Variants in ADAMTSL3 observed in about 807,000 individuals in gnomAD.
ADAMTSL3 encodes ADAMTS like 3.
ADAMTSL3 carries 128 observed loss-of-function variants against 201.7 expected under a neutral mutation model. The ratio of observed to expected loss-of-function variants is 0.63; its 90% CI spans 0.55 to 0.73. The LOEUF (loss-of-function observed/expected upper bound fraction) is 0.73, where lower values mean the gene tolerates loss of function less well. Among genes scored for constraint, ADAMTSL3 ranks in the 30% least tolerant of loss-of-function variants. The pLI, the probability that ADAMTSL3 is intolerant of heterozygous loss-of-function variation, is 0.00. For missense variants in ADAMTSL3, 1,990 were observed against 2,119.6 expected (o/e 0.94, Z 1.20); for synonymous variants, 738 against 748.4 (o/e 0.99, Z 0.23).
intron 2 of ADAMTSL3, among the ~76,000 whole-genome samples, chr15:83,688,943 G>A (rs1450748746): frequency 6.6e-6 from 1 of 151,954 alleles, no homozygotes; most frequent in Non-Finnish European, 1.5e-5. Context: ...CAGGTAGCTG[G>A]GACTACAGGT....
At chr15:83,739,584 A>G (rs1011050531) in intron 3 of ADAMTSL3, among the ~76,000 whole-genome samples, 4 of 151,614 alleles carry the variant, frequency 2.6e-5, no homozygotes, top group African/African-American at 7.3e-5. Flanking sequence ...ATATGAAACT[A>G]TTTCAAAATC....
intron 2 of ADAMTSL3, among the ~76,000 whole-genome samples, chr15:83,693,310 G>GC (rs1252651853): frequency 2.0e-5 from 3 of 152,214 alleles, no homozygotes; most frequent in Admixed American, 6.5e-5. Context: ...CAGGAGAACA[G>GC]CCAGGGACAG....
At chr15:83,788,368 C>A (rs2063296200) in intron 4 of ADAMTSL3, among the ~76,000 whole-genome samples, 1 of 151,904 alleles carries the variant, frequency 6.6e-6, no homozygotes, top group Non-Finnish European at 1.5e-5. Context: ...TGTGTTAGAT[C>A]TCCTGTTTCC....
At chr15:83,987,859 TGG>T (rs2067508352) in intron 21 of ADAMTSL3, among the ~76,000 whole-genome samples, 1 of 152,132 alleles carries the variant, frequency 6.6e-6, no homozygotes, top group Non-Finnish European at 1.5e-5. Flanking sequence ...TGAAGTGAGA[TGG>T]GGCAGGGGAA....
chr15:83,839,050 G>C (rs1196949169), intron 7 of ADAMTSL3, among the ~76,000 whole-genome samples: 1 of 152,116 alleles, frequency 6.6e-6, no homozygotes, highest in Non-Finnish European at 1.5e-5. Context: ...TCCTTTAAAG[G>C]AAACAAAAAT....
chr15:83,790,172 A>T (rs2063322794), intron 4 of ADAMTSL3, among the ~76,000 whole-genome samples: 1 of 150,376 alleles, frequency 6.6e-6, no homozygotes, highest in African/African-American at 2.5e-5. Flanking sequence ...GAGAATTTAC[A>T]ACAATTCCAT....
intron 19 of ADAMTSL3, among the ~76,000 whole-genome samples, chr15:83,968,328 A>G (rs1173447870): frequency 6.6e-6 from 1 of 152,324 alleles, no homozygotes; most frequent in South Asian, 2.1e-4. Context: ...ACTTAAACAA[A>G]TTTACAAGAA....
At chr15:83,940,806 A>G (rs1000331227) in intron 17 of ADAMTSL3, among the ~76,000 whole-genome samples, 6 of 152,144 alleles carry the variant, frequency 3.9e-5, no homozygotes, top group African/African-American at 1.4e-4. Context: ...TAGCTTTATA[A>G]TATGCATAAA....
At chr15:83,675,021 G>A (rs1469467002) in intron 2 of ADAMTSL3, among the ~76,000 whole-genome samples, 1 of 151,584 alleles carries the variant, frequency 6.6e-6, no homozygotes, top group Admixed American at 6.6e-5. Flanking sequence ...ATGGTGGTGG[G>A]TTTTTCATTT....
rs141495456 is a variant in ADAMTSL3 at position 83,839,458 on chromosome 15, A to G, written c.727+1243A>G. Among the ~76,000 whole-genome samples, 21 of 152,284 alleles carry G rather than the reference A, an allele frequency of 1.4e-4. 1 individual carries two copies. The highest frequency in any genetic ancestry group is 4.8e-4 in the African/African-American group (20 of 41,556). ...CCTTCGTTATTGTGTTTTATTTTTC[A>G]GATTAAGTGGAGCCCTCAAAGCAAT... On this transcript the variant is annotated intron_variant, in intron 7 of 29. Transcript: ENST00000286744.
intron 3 of ADAMTSL3, among the ~76,000 whole-genome samples, chr15:83,721,411 T>C (rs1328523756): frequency 6.6e-6 from 1 of 152,238 alleles, no homozygotes; most frequent in Non-Finnish European, 1.5e-5. Flanking sequence ...CACAGTCACA[T>C]TGTCCCATCT....
intron 9 of ADAMTSL3, among the ~76,000 whole-genome samples, chr15:83,876,856 G>A (rs568398237): frequency 6.3e-4 from 96 of 152,224 alleles, no homozygotes; most frequent in African/African-American, 2.2e-3. Context: ...GCAGTGGCAC[G>A]ATCTCACCTC....
intron 26 of ADAMTSL3, among the ~76,000 whole-genome samples, chr15:84,022,009 A>G (rs2068213931): frequency 6.6e-6 from 1 of 152,216 alleles, no homozygotes; most frequent in Non-Finnish European, 1.5e-5. Flanking sequence ...ACAGTTCTCT[A>G]GACTTGATCC....
At chr15:83,929,178 A>G (rs2066302893) in intron 17 of ADAMTSL3, among the ~76,000 whole-genome samples, 1 of 152,198 alleles carries the variant, frequency 6.6e-6, no homozygotes. Flanking sequence ...TAAAACCCAC[A>G]TTCTCTACTT....
intron 2 of ADAMTSL3, among the ~76,000 whole-genome samples, chr15:83,692,505 G>T (rs1179020612): frequency 6.6e-6 from 1 of 151,814 alleles, no homozygotes; most frequent in Non-Finnish European, 1.5e-5. Context: ...CTAACACCGT[G>T]AAACCCTGTC....
chr15:83,974,188 C>T (rs368125721), intron 20 of ADAMTSL3, among the ~76,000 whole-genome samples: 7 of 152,302 alleles, frequency 4.6e-5, no homozygotes, highest in African/African-American at 1.2e-4. Context: ...CTTTCTCAGT[C>T]GCACTTAATG....
At chr15:83,664,816 C>T (rs2061226446) in intron 2 of ADAMTSL3, among the ~76,000 whole-genome samples, 1 of 152,156 alleles carries the variant, frequency 6.6e-6, no homozygotes, top group Admixed American at 6.5e-5. Context: ...CTCATCCCTA[C>T]CAAAAATGTA....
intron 6 of ADAMTSL3, among the ~76,000 whole-genome samples, chr15:83,835,453 T>C (rs2064249574): frequency 6.6e-6 from 1 of 152,106 alleles, no homozygotes; most frequent in Admixed American, 6.6e-5. Context: ...ATGAAGCAAA[T>C]ATCAGTGCTC....
chr15:83,690,336 C>G lies in ADAMTSL3; in HGVS notation c.70-14053C>G, dbSNP rs527905858. Among the ~76,000 whole-genome samples, 7 of 152,254 alleles carry G rather than the reference C, an allele frequency of 4.6e-5. No individual in the cohort carries two copies. The South Asian group carries it at 1.2e-3, about 27-fold the overall frequency. On this transcript the variant is annotated intron_variant, in intron 2 of 29. Coordinates refer to ENST00000286744, the MANE Select transcript of ADAMTSL3 (RefSeq NM_207517.3). ...CCTTCAGGATCCAGCCCATGCCTAC[C>G]TCTCCAACTTCTCTTCTCCCAACTT... is the stretch of plus-strand genomic sequence containing the variant.
Sources: gnomAD v4.1 joint callset for allele counts (sites outside exome capture counted in the v4.1 genomes callset) on GRCh38, gnomAD v4.1.1 for gene constraint, MANE v1.5 for transcripts, NCBI Gene and HGNC (gene_info 2026-07-23, HGNC 2026-07-21) for gene names.